TES: variants seen among roughly 807,000 people sequenced by gnomAD.
TES encodes the protein testin LIM domain protein.
TES carries 41 observed loss-of-function variants against 48.2 expected under a neutral mutation model. That is an observed-to-expected ratio of 0.85 (90% CI 0.66 to 1.10). The LOEUF (loss-of-function observed/expected upper bound fraction) is 1.10, where lower values mean the gene tolerates loss of function less well. Ranked by LOEUF, TES falls within the 50% of genes least tolerant of loss-of-function variation. TES has a pLI of 0.00. For synonymous variants in TES, 162 were observed against 174.9 expected (o/e 0.93, Z 0.58); for missense variants, 463 against 515.1 (o/e 0.90, Z 0.98).
intron 2 of TES, among the ~76,000 whole-genome samples, chr7:116,235,995 A>G (rs1799766140): frequency 6.6e-6 from 1 of 152,202 alleles, no homozygotes; most frequent in African/African-American, 2.4e-5. Context: ...CTTCAGTTTT[A>G]GGGAGCTAAA....
In TES at chr7:116,250,246, C is replaced by A; in HGVS notation, c.452C>A (p.Ala151Glu). Residue 151 changes from alanine to glutamate, a missense_variant, in exon 4 of 7, where the codon GCA becomes GAA. Ala to Glu is a moderately radical substitution (Grantham distance 107). Coordinates refer to ENST00000358204, the MANE Select transcript of TES (RefSeq NM_015641.4). ...EGAQYRKKQLAKQLPAHDQDP... is the reference protein window; with the variant it reads ...EGAQYRKKQLEKQLPAHDQDP... ...GCACAGTACCGGAAGAAGCAGCTGG[C>A]AAAGCAGCTCCCTGCACATGACCAG... 1 of 1,609,120 alleles carries A rather than the reference C, an allele frequency of 6.2e-7. No homozygotes were observed.
intron 1 of TES, among the ~76,000 whole-genome samples, chr7:116,224,915 A>T (rs1799603943): frequency 2.0e-5 from 3 of 152,174 alleles, no homozygotes. Context: ...AGTTTGAGTG[A>T]GAAATGCCAA....
intron 2 of TES, among the ~76,000 whole-genome samples, chr7:116,240,453 TTC>T (rs1000483979): frequency 6.6e-6 from 1 of 151,850 alleles, no homozygotes; most frequent in African/African-American, 2.4e-5. Flanking sequence ...GGCTCGCTCT[TTC>T]TCTCTCTCTC....
intron 2 of TES, among the ~76,000 whole-genome samples, chr7:116,246,373 C>T (rs1799923471): frequency 6.6e-6 from 1 of 152,228 alleles, no homozygotes. Context: ...AGTTATGTTT[C>T]ACCCCTAATC....
At chr7:116,239,323 A>G (rs1208871696) in intron 2 of TES, 2 of 152,132 alleles carry the variant, frequency 1.3e-5, no homozygotes, top group Admixed American at 6.5e-5. Flanking sequence ...AAAATCTCCC[A>G]TTTGCCATAT....
Position 116,210,587 on chromosome 7 carries a change from T to G in TES, c.-121T>G. ...AGTTCGACGGCGCCGGGCGAGTGGC[T>G]GTTGAGCGGCGCCGCGGGAGTTCCG... On this transcript the variant is annotated 5_prime_UTR_variant, in exon 1 of 7. Transcript: ENST00000358204. 3 of 1,093,716 alleles carry G rather than the reference T, an allele frequency of 2.7e-6. No individual in the cohort carries two copies. Among genetic ancestry groups the G allele is most frequent in the Non-Finnish European group, 3.5e-6 (3 of 846,340 alleles). The allele number at this position is 1,093,716 out of a possible 1,614,324, so 67.8% of individuals were successfully genotyped here.
intron 2 of TES, among the ~76,000 whole-genome samples, chr7:116,243,067 C>T (rs1799870687): frequency 1.3e-5 from 2 of 151,986 alleles, no homozygotes; most frequent in Non-Finnish European, 2.9e-5. Context: ...CTTTATTTTC[C>T]TTCCTTTTAC....
chr7:116,228,294 A>G (rs1554436578), intron 1 of TES, among the ~76,000 whole-genome samples: 1 of 151,882 alleles, frequency 6.6e-6, no homozygotes, highest in East Asian at 1.9e-4. Context: ...AGTCACTTTT[A>G]TTTTTTTCTT....
intron 1 of TES, 174 bp downstream of exon 1, chr7:116,210,908 C>A: frequency 2.2e-6 from 1 of 457,034 alleles, no homozygotes; most frequent in Non-Finnish European, 3.5e-6. Flanking sequence ...AGGAGGTGCT[C>A]GGCGGCCCCG....
rs569069429 is a variant in TES, at chr7:116,254,747, A to T, written c.1077+2271A>T. Among the ~76,000 whole-genome samples, 235 of 109,076 alleles carry T rather than the reference A, an allele frequency of 2.2e-3. 1 individual carries two copies. The East Asian group carries it at 0.029, about 13-fold the overall frequency. 71.6% of individuals were successfully genotyped at this position (109,076 alleles called of 152,430 possible). ...TAGTGCGACACTCCGTCTCAAAAAAAATATATATATATGTGTGTGTGTGTG... is the reference window on the plus strand; with the variant it reads ...TAGTGCGACACTCCGTCTCAAAAAATATATATATATATGTGTGTGTGTGTG... On this transcript the variant is annotated intron_variant, in intron 6 of 6. Transcript: ENST00000358204.
chr7:116,249,178 T>C lies in TES; in HGVS notation c.272T>C (p.Val91Ala). Residue 91 changes from valine to alanine, a missense_variant, in exon 3 of 7, where the codon GTT becomes GCT. Val to Ala is a moderately conservative substitution (Grantham distance 64). Transcript: ENST00000358204. ...GGAATTCCCATGTATAAACGCAATG[T>C]TATGATATTGACGAATCCAGTTGCT... ...SDGIPMYKRN[V>A]MILTNPVAAK... is the part of the protein sequence containing the mutation. The C allele has an allele frequency of 6.2e-7, 1 of 1,614,132 alleles. No homozygotes were observed. The highest frequency in any genetic ancestry group is 8.5e-7 in the Non-Finnish European group (1 of 1,179,986).
In TES at chr7:116,229,956, A is replaced by C. The variant is rs115198404; in HGVS notation, c.28-4578A>C. Among the ~76,000 whole-genome samples the C allele has an allele frequency of 7.2e-3, 1,094 of 152,304 alleles. 9 individuals are homozygous for C. Among genetic ancestry groups the C allele is most frequent in the African/African-American group, 0.025 (1,028 of 41,566 alleles). On this transcript the variant is annotated intron_variant, in intron 1 of 6. Transcript: ENST00000358204. The stretch of plus-strand genomic sequence containing the variant: ...AAGTTCTCACCCAATAATGTGGCAT[A>C]AGTCAGAGATCTTCAGTGCTGGTAT...
chr7:116,242,594 A>C (rs1388011317), intron 2 of TES, among the ~76,000 whole-genome samples: 1 of 152,106 alleles, frequency 6.6e-6, no homozygotes, highest in Non-Finnish European at 1.5e-5. Flanking sequence ...GCATACTGAA[A>C]AGTATTTTAA....
At chr7:116,234,396 A>G in intron 1 of TES, 138 bp from the exon 2 acceptor site, 2 of 675,890 alleles carry the variant, frequency 3.0e-6, no homozygotes, top group East Asian at 2.7e-5. Context: ...ATACCTGGGT[A>G]TCATCATTGA....
At chr7:116,235,459 A>C (rs1354200418) in intron 2 of TES, among the ~76,000 whole-genome samples, 1 of 152,218 alleles carries the variant, frequency 6.6e-6, no homozygotes, top group Admixed American at 6.5e-5. Flanking sequence ...TAAGAAAAAA[A>C]TTAATTGTAG....
intron 2 of TES, among the ~76,000 whole-genome samples, chr7:116,242,207 C>G (rs534151312): frequency 6.3e-4 from 96 of 152,258 alleles, no homozygotes; most frequent in African/African-American, 2.0e-3. Flanking sequence ...ATATTAAGAA[C>G]TAAATTCCCA....
At chr7:116,224,740 G>A (rs544707590) in intron 1 of TES, among the ~76,000 whole-genome samples, 6 of 152,228 alleles carry the variant, frequency 3.9e-5, no homozygotes, top group African/African-American at 1.4e-4. Context: ...GTTTTGCCTA[G>A]GATGGAGGAA....
chr7:116,251,920 A>G lies in TES; in HGVS notation c.863A>G (p.Tyr288Cys). The change falls in exon 5 of 7, where the codon TAC (tyrosine) becomes TGC (cysteine). Residue 288 changes from tyrosine to cysteine, a missense_variant. By Grantham distance (194) the Tyr-to-Cys change is radical. Coordinates refer to ENST00000358204, the MANE Select transcript of TES (RefSeq NM_015641.4). ...MIYFWKNEKL[Y>C]CGRHYCDSEK... ...TATTTTTGGAAGAATGAGAAGCTAT[A>G]CTGTGGCAGACATTACTGTGACAGC... 1 of 1,614,132 alleles carries G rather than the reference A, an allele frequency of 6.2e-7. No individual in the cohort carries two copies. Among genetic ancestry groups the G allele is most frequent in the Non-Finnish European group, 8.5e-7 (1 of 1,180,028 alleles).
intron 1 of TES, 70 bp from the exon 2 acceptor site, chr7:116,234,464 G>A (rs1799739563): frequency 7.4e-7 from 1 of 1,360,408 alleles, no homozygotes. Context: ...GGAATTAAAA[G>A]TGCAATTTAT....
Sources: allele counts gnomAD v4.1 joint callset (sites outside exome capture counted in the v4.1 genomes callset), GRCh38; gene constraint gnomAD v4.1.1; transcripts MANE v1.5; gene names NCBI Gene and HGNC (gene_info 2026-07-23, HGNC 2026-07-21).